Variants in MTHFD1L observed in about 807,000 individuals in gnomAD.
MTHFD1L encodes the protein monofunctional C1-tetrahydrofolate synthase, mitochondrial.
A neutral mutation model predicts 119.5 loss-of-function variants in MTHFD1L; 81 were observed. The ratio of observed to expected loss-of-function variants is 0.68; its 90% CI spans 0.57 to 0.82. MTHFD1L has a LOEUF of 0.82. MTHFD1L is among the 40% of genes least tolerant of loss of function. The pLI is 0.00. For synonymous variants in MTHFD1L, 430 were observed against 475.2 expected (o/e 0.90, Z 1.24); for missense variants, 1,125 against 1,253.4 (o/e 0.90, Z 1.55).
At chr6:150,950,668 TG>T (rs1223946052) in intron 16 of MTHFD1L, among the ~76,000 whole-genome samples, 5 of 152,158 alleles carry the variant, frequency 3.3e-5, no homozygotes, top group African/African-American at 9.7e-5. Context: ...TAGAGTTTTT[TG>T]TTTGTTGTTA....
intron 1 of MTHFD1L, among the ~76,000 whole-genome samples, chr6:150,872,320 C>T (rs1316121786): frequency 6.6e-6 from 1 of 152,160 alleles, no homozygotes; most frequent in Non-Finnish European, 1.5e-5. Flanking sequence ...TTTCAATACA[C>T]CCTCCTCACT....
chr6:151,022,091 C>G, intron 24 of MTHFD1L: 1 of 470,948 alleles, frequency 2.1e-6, no homozygotes, highest in Non-Finnish European at 4.4e-6. Context: ...CGAAGACAGC[C>G]TGGAGCCGCA....
chr6:150,951,293 A>G (rs1489941318), intron 16 of MTHFD1L, among the ~76,000 whole-genome samples: 2 of 152,008 alleles, frequency 1.3e-5, no homozygotes, highest in African/African-American at 4.8e-5. Flanking sequence ...CGGCCTCCCA[A>G]AGTGCTGGGA....
intron 20 of MTHFD1L, among the ~76,000 whole-genome samples, chr6:150,976,164 G>T (rs1341722184): frequency 6.6e-6 from 1 of 152,130 alleles, no homozygotes; most frequent in Non-Finnish European, 1.5e-5. Flanking sequence ...TCACACCATT[G>T]CACTCCAGCC....
intron 20 of MTHFD1L, among the ~76,000 whole-genome samples, chr6:151,008,254 G>T (rs1456362310): frequency 6.6e-6 from 1 of 152,186 alleles, no homozygotes; most frequent in Admixed American, 6.5e-5. Flanking sequence ...TTGTAGCACA[G>T]CAAGGAAACT....
At chr6:151,083,571 G>A (rs1793435970) in intron 26 of MTHFD1L, among the ~76,000 whole-genome samples, 1 of 152,174 alleles carries the variant, frequency 6.6e-6, no homozygotes, top group Non-Finnish European at 1.5e-5. Flanking sequence ...AAGCATATAA[G>A]TGACAGAGAA....
chr6:150,983,860 T>A (rs1777886008), intron 20 of MTHFD1L, among the ~76,000 whole-genome samples: 1 of 152,138 alleles, frequency 6.6e-6, no homozygotes, highest in Non-Finnish European at 1.5e-5. Context: ...AACCTCTACC[T>A]CCTGGGCTCG....
chr6:151,026,480 T>C (rs1041254488), intron 24 of MTHFD1L, among the ~76,000 whole-genome samples: 1 of 152,212 alleles, frequency 6.6e-6, no homozygotes, highest in Non-Finnish European at 1.5e-5. Context: ...ACGATACATC[T>C]TCCATTGTGA....
At chr6:150,867,503 A>C (rs1470936187) in intron 1 of MTHFD1L, among the ~76,000 whole-genome samples, 1 of 152,214 alleles carries the variant, frequency 6.6e-6, no homozygotes, top group Non-Finnish European at 1.5e-5. Context: ...CACGTTGCTG[A>C]GACTCATCTT....
chr6:151,056,093 C>G (rs1789877509), intron 26 of MTHFD1L: 1 of 152,190 alleles, frequency 6.6e-6, no homozygotes, highest in African/African-American at 2.4e-5. Context: ...GCTTTTCTGG[C>G]TGACCCGTCA....
chr6:150,934,359 C>T (rs749758266), intron 11 of MTHFD1L, among the ~76,000 whole-genome samples: 12 of 152,198 alleles, frequency 7.9e-5, no homozygotes, highest in Non-Finnish European at 1.2e-4. Flanking sequence ...GGAAACATTC[C>T]CAGATGTTCA....
At chr6:150,880,604 A>C (rs538113064) in intron 4 of MTHFD1L, among the ~76,000 whole-genome samples, 1 of 152,344 alleles carries the variant, frequency 6.6e-6, no homozygotes, top group East Asian at 1.9e-4. Context: ...TTCAGTTCCC[A>C]TGCGTATATA....
chr6:150,935,499 G>A (rs1791900635), intron 11 of MTHFD1L: 15 of 1,583,006 alleles, frequency 9.5e-6, no homozygotes, highest in South Asian at 9.3e-5. Context: ...CTAAAGGAAG[G>A]ACTTGAGAAA....
intron 26 of MTHFD1L, among the ~76,000 whole-genome samples, chr6:151,055,230 GA>G (rs1452442059): frequency 6.6e-6 from 1 of 151,838 alleles, no homozygotes; most frequent in Non-Finnish European, 1.5e-5. Flanking sequence ...CGCGCCACTG[GA>G]CTAGACTAGG....
chr6:150,866,520 C>T lies in MTHFD1L; in HGVS notation c.227+471C>T, dbSNP rs1036690518. On this transcript the variant is annotated intron_variant, in intron 1 of 27. Transcript: ENST00000367321. ...AAGCGGAGCTCGGGAGAGGCGGGCTCGGGCCCAGCGCCGCCCGCGCGAAGC... is the reference window on the plus strand; with the variant it reads ...AAGCGGAGCTCGGGAGAGGCGGGCTTGGGCCCAGCGCCGCCCGCGCGAAGC... 1.0e-5 allele frequency: 13 copies of T among 1,285,940 alleles called. No homozygotes were observed. The African/African-American group carries it at 1.2e-4, about 12-fold the overall frequency. The allele number at this position is 1,285,940 out of a possible 1,614,324, so 79.7% of individuals were successfully genotyped here. A position where few individuals can be genotyped will look rare whatever the true frequency, so the allele number is the denominator to read the frequency against.
rs1373872753 is a variant in MTHFD1L, at chr6:151,090,938, A to C, written c.2848-1529A>C. Reference sequence around the variant, plus strand: ...AGCATCGTTCCATGCGACTGGGTGCAGCATCGTTCCATGCGACTGGGTGCA... The same window carrying C: ...AGCATCGTTCCATGCGACTGGGTGCCGCATCGTTCCATGCGACTGGGTGCA... On this transcript the variant is annotated intron_variant, in intron 26 of 27. Coordinates refer to ENST00000367321, the MANE Select transcript of MTHFD1L (RefSeq NM_015440.5). Among the ~76,000 whole-genome samples the C allele has an allele frequency of 3.2e-5, 4 of 123,484 alleles. No individual in the cohort carries two copies. The East Asian group carries it at 7.9e-4, about 24-fold the overall frequency. The allele number at this position is 123,484 out of a possible 152,430, so 81.0% of individuals were successfully genotyped here.
At chr6:150,923,854 C>T (rs1045315663) in intron 10 of MTHFD1L, among the ~76,000 whole-genome samples, 1 of 151,890 alleles carries the variant, frequency 6.6e-6, no homozygotes, top group African/African-American at 2.4e-5. Flanking sequence ...ATATAAGTTG[C>T]AATGAGGAAT....
At chr6:150,890,707 C>T (rs1783105563) in intron 7 of MTHFD1L, among the ~76,000 whole-genome samples, 1 of 152,072 alleles carries the variant, frequency 6.6e-6, no homozygotes, top group South Asian at 2.1e-4. Context: ...AGGCAAGTTT[C>T]AGAGCAGGAC....
rs1439109443 is a variant in MTHFD1L, at chr6:150,945,525, A to G, written c.1607A>G (p.Gln536Arg). ...VNGVREFSEI[Q>R]LARLKKLGIN... is the part of the protein sequence containing the mutation. ...GGTGTCAGAGAATTTTCAGAAATTC[A>G]GCTTGCTCGGCTAAAAGTAAGTTTC... Residue 536 changes from glutamine to arginine, a missense_variant, in exon 15 of 28, where the codon CAG (glutamine) becomes CGG (arginine). Gln to Arg is a conservative substitution (Grantham distance 43, BLOSUM62 1). Coordinates refer to ENST00000367321, the MANE Select transcript of MTHFD1L (RefSeq NM_015440.5). 2.5e-5 allele frequency: 40 copies of G among 1,613,962 alleles called. No homozygotes were observed. The highest frequency in any genetic ancestry group is 3.4e-5 in the Non-Finnish European group (40 of 1,179,988).
Sources: allele counts gnomAD v4.1 joint callset (sites outside exome capture counted in the v4.1 genomes callset), GRCh38; gene constraint gnomAD v4.1.1; transcripts MANE v1.5; gene names NCBI Gene and HGNC (gene_info 2026-07-23, HGNC 2026-07-21).